MDH1B: variants seen among roughly 807,000 people sequenced by gnomAD.
The protein encoded by MDH1B is putative malate dehydrogenase 1B.
Under a neutral mutation model 61.4 loss-of-function variants are expected in MDH1B, and 60 were observed. The ratio of observed to expected loss-of-function variants is 0.98; its 90% CI spans 0.79 to 1.21. The LOEUF (loss-of-function observed/expected upper bound fraction) is 1.21, where lower values mean the gene tolerates loss of function less well. Among genes scored for constraint, MDH1B ranks in the 50% most tolerant of loss-of-function variants. The probability of loss-of-function intolerance (pLI) is 0.00; values close to 1 mark genes in which losing one functional copy is unlikely to be tolerated. For missense variants in MDH1B, 587 were observed against 632.1 expected (o/e 0.93, Z 0.76); for synonymous variants, 236 against 218.7 (o/e 1.08, Z -0.70).
chr2:206,743,325 T>G (rs1687922534), intron 9 of MDH1B, among the ~76,000 whole-genome samples: 1 of 152,160 alleles, frequency 6.6e-6, no homozygotes, highest in Non-Finnish European at 1.5e-5. Flanking sequence ...TGTAGAACAG[T>G]CCTTGTTCTT....
Position 206,755,476 on chromosome 2 carries a change from A to G in MDH1B, c.443T>C (p.Ile148Thr). The change falls in exon 5 of 12, where the codon ATT (isoleucine) becomes ACT (threonine). Residue 148 changes from isoleucine (I) to threonine (T), a missense_variant. Physicochemically the swap from Ile to Thr is moderately conservative, Grantham distance 89. Transcript: ENST00000374412. ...SASAPACYNL[I>T]PILTSGEVFG... is the part of the protein sequence containing the mutation. ...CACTTCGCCACTCGTCAATATGGGA[A>G]TTAGGTTGTAGCAGGCAGGAGCAGA... The G allele has an allele frequency of 6.2e-7, 1 of 1,613,806 alleles. No individual in the cohort carries two copies. The highest frequency in any genetic ancestry group is 1.1e-5 in the South Asian group (1 of 91,010).
chr2:206,755,583 C>A (rs1688717141), intron 4 of MDH1B, 78 bp from the exon 5 acceptor site: 2 of 1,493,548 alleles, frequency 1.3e-6, no homozygotes, highest in African/African-American at 1.4e-5. Flanking sequence ...ATAGATATTT[C>A]TGCATGTGCA....
intron 1 of MDH1B, among the ~76,000 whole-genome samples, chr2:206,761,535 T>C (rs1334188984): frequency 6.6e-6 from 1 of 152,162 alleles, no homozygotes; most frequent in Non-Finnish European, 1.5e-5. Flanking sequence ...ATGAGAAATT[T>C]AACTTTAGTC....
chr2:206,762,238 G>A (rs974608698), intron 1 of MDH1B, among the ~76,000 whole-genome samples: 3 of 151,974 alleles, frequency 2.0e-5, no homozygotes, highest in African/African-American at 7.3e-5. Flanking sequence ...TGCATTATCA[G>A]AACACAACAG....
Position 206,738,504 on chromosome 2 carries a change from T to C in MDH1B, c.1536A>G (p.Glu512=). 1 of 1,585,550 alleles carries C rather than the reference T, an allele frequency of 6.3e-7. No homozygotes were observed. The highest frequency in any genetic ancestry group is 8.6e-7 in the Non-Finnish European group (1 of 1,160,258). ...PQSLEFLNEF[E]GKTVES ...TCTGTTAGGATTCCACGGTTTTGCC[T>C]TCAAATTCTGTAAAAGGAAAAGAAT... is the stretch of plus-strand genomic sequence containing the variant. The change falls in exon 12 of 12, where the codon GAA becomes GAG. Residue 512 remains glutamate, a synonymous_variant. Coordinates refer to ENST00000374412, the MANE Select transcript of MDH1B (RefSeq NM_001039845.3).
intron 6 of MDH1B, among the ~76,000 whole-genome samples, chr2:206,750,719 T>C (rs924757966): frequency 2.6e-5 from 4 of 152,216 alleles, no homozygotes; most frequent in Non-Finnish European, 4.4e-5. Context: ...CTGAAGGATC[T>C]GAAATATAAA....
intron 2 of MDH1B, among the ~76,000 whole-genome samples, chr2:206,757,700 T>G (rs942423284): frequency 6.6e-6 from 1 of 152,276 alleles, no homozygotes; most frequent in Admixed American, 6.5e-5. Context: ...TTAAAAAAAT[T>G]CAACTAGTTT....
At chr2:206,745,388 T>C in intron 9 of MDH1B, 1 of 640,500 alleles carries the variant, frequency 1.6e-6, no homozygotes, top group Non-Finnish European at 2.9e-6. Flanking sequence ...TTAATAAATA[T>C]GTTACCTACA....
At chr2:206,762,986 T>C (rs955446115) in intron 1 of MDH1B, among the ~76,000 whole-genome samples, 4 of 152,258 alleles carry the variant, frequency 2.6e-5, no homozygotes, top group Middle Eastern at 3.4e-3. Context: ...CATATTCTTT[T>C]TGGCCAATCT....
chr2:206,749,238 A>G, intron 6 of MDH1B, 55 bp from the exon 7 acceptor site: 1 of 1,533,394 alleles, frequency 6.5e-7, no homozygotes, highest in Middle Eastern at 1.7e-4. Flanking sequence ...AAAGAGAAAA[A>G]GGATGTTCCC....
intron 5 of MDH1B, among the ~76,000 whole-genome samples, chr2:206,753,541 T>G (rs1367766060): frequency 2.0e-5 from 3 of 152,190 alleles, no homozygotes; most frequent in Non-Finnish European, 4.4e-5. Flanking sequence ...TGAACTGAAC[T>G]TAGGGGTTAT....
At position 206,746,401 on chromosome 2, in the gene MDH1B, G is replaced by C. The variant is rs367748622; in HGVS notation, c.1242C>G (p.Ile414Met). The C allele has an allele frequency of 1.2e-6, 2 of 1,613,340 alleles. No homozygotes were observed. The highest frequency in any genetic ancestry group is 1.7e-5 in the Admixed American group (1 of 59,922). Residue 414 changes from isoleucine to methionine, a missense_variant, in exon 8 of 12, where the codon ATC (isoleucine) becomes ATG (methionine). Ile to Met is a conservative substitution (Grantham distance 10). Transcript: ENST00000374412. ...CAAATTTCACAGGCATAGAAAAGAC[G>C]ATCCCTTTCGGAATACCAAACTGGC... Reference protein sequence around the residue: ...SEGQFGIPKGIVFSMPVKFEN... With the variant: ...SEGQFGIPKGMVFSMPVKFEN...
At chr2:206,744,817 CAGG>C (rs1688004164) in intron 9 of MDH1B, among the ~76,000 whole-genome samples, 1 of 151,942 alleles carries the variant, frequency 6.6e-6, no homozygotes, top group Non-Finnish European at 1.5e-5. Flanking sequence ...TCCAGCTAAT[CAGG>C]AGGCTGAGAC....
chr2:206,764,297 CAA>C (rs111631549), intron 1 of MDH1B, among the ~76,000 whole-genome samples: 8 of 132,874 alleles, frequency 6.0e-5, no homozygotes, highest in Admixed American at 7.3e-5. Context: ...GAGCCTGTCT[CAA>C]AAAAAAAAAA....
intron 7 of MDH1B, 77 bp from the exon 8 acceptor site, chr2:206,746,503 A>G: frequency 7.0e-7 from 1 of 1,436,472 alleles, no homozygotes; most frequent in Non-Finnish European, 9.3e-7. Flanking sequence ...GCATTGTAGA[A>G]AATGACAGAC....
chr2:206,756,884 T>C lies in MDH1B; in HGVS notation c.413+14A>G, dbSNP rs1688789674. ...AAAGTAAATCTCATGAATCCTGGGATTTGACTGTCCCACCTGGTGATCCAG... is the reference window on the plus strand; with the variant it reads ...AAAGTAAATCTCATGAATCCTGGGACTTGACTGTCCCACCTGGTGATCCAG... On this transcript the variant is annotated intron_variant, in intron 4 of 11. Coordinates refer to ENST00000374412, the MANE Select transcript of MDH1B (RefSeq NM_001039845.3). 5 of 1,612,980 alleles carry C rather than the reference T, an allele frequency of 3.1e-6. No homozygotes were observed. Among genetic ancestry groups the C allele is most frequent in the African/African-American group, 1.3e-5 (1 of 74,868 alleles).
intron 6 of MDH1B, 50 bp downstream of exon 6, chr2:206,750,884 A>G (rs1374068086): frequency 1.4e-6 from 2 of 1,435,488 alleles, no homozygotes; most frequent in Non-Finnish European, 1.9e-6. Context: ...ACAACCATTA[A>G]ACATTTATTT....
At position 206,741,047 on chromosome 2, in the gene MDH1B, GACTT is replaced by G; in HGVS notation, c.1459+3_1459+6del. 6.2e-7 allele frequency: 1 copy of G among 1,613,032 alleles called. No individual in the cohort carries two copies. The highest frequency in any genetic ancestry group is 1.3e-5 in the African/African-American group (1 of 74,968). On this transcript the variant is annotated splice_donor_5th_base_variant and intron_variant, in intron 10 of 11. Coordinates refer to ENST00000374412, the MANE Select transcript of MDH1B (RefSeq NM_001039845.3). ...TATAGACATTGTTTATAACCCCACT[GACTT>G]ACCATCTGACATAGCTAGATTTTTT...
At position 206,755,066 on chromosome 2, in the gene MDH1B, C is replaced by T; in HGVS notation, c.853G>A (p.Gly285Arg). The stretch of plus-strand genomic sequence containing the variant: ...ATGGCTTTCGCTTCACCTTCCACCC[C>T]CAGCGCCACAGCAATAATGTTGTGT... ...IAHNIIAVAL[G>R]VEGEAKAILA... The change falls in exon 5 of 12, where the codon GGG becomes AGG. Residue 285 changes from glycine (G) to arginine (R), a missense_variant. Transcript: ENST00000374412. 2 of 1,614,208 alleles carry T rather than the reference C, an allele frequency of 1.2e-6. No individual in the cohort carries two copies. Among genetic ancestry groups the T allele is most frequent in the Non-Finnish European group, 1.7e-6 (2 of 1,180,010 alleles).
Sources: gnomAD v4.1 joint callset for allele counts (sites outside exome capture counted in the v4.1 genomes callset) on GRCh38, gnomAD v4.1.1 for gene constraint, MANE v1.5 for transcripts, NCBI Gene and HGNC (gene_info 2026-07-23, HGNC 2026-07-21) for gene names.